RIPOR3: variants seen among roughly 807,000 people sequenced by gnomAD.
RIPOR3 encodes the protein family with sequence similarity 65 member C.
A neutral mutation model predicts 114.3 loss-of-function variants in RIPOR3; 95 were observed. The ratio of observed to expected loss-of-function variants is 0.83; its 90% CI spans 0.70 to 0.99. The LOEUF (loss-of-function observed/expected upper bound fraction) is 0.99. Ranked by LOEUF, RIPOR3 falls within the 50% of genes least tolerant of loss-of-function variation. RIPOR3 has a pLI of 0.00. For synonymous variants in RIPOR3, 575 were observed against 543.8 expected (o/e 1.06, Z -0.80); for missense variants, 1,252 against 1,266.9 (o/e 0.99, Z 0.18).
At chr20:50,648,093 T>C (rs1396742413) in intron 1 of RIPOR3, among the ~76,000 whole-genome samples, 14 of 151,686 alleles carry the variant, frequency 9.2e-5, no homozygotes, top group African/African-American at 3.4e-4. Flanking sequence ...CTCACCAACA[T>C]GGAGAAACCC....
chr20:50,641,370 G>C (rs927899850), intron 1 of RIPOR3, among the ~76,000 whole-genome samples: 4 of 152,004 alleles, frequency 2.6e-5, no homozygotes, highest in Non-Finnish European at 4.4e-5. Flanking sequence ...ATGTGCCACT[G>C]CACCCGGCTA....
intron 1 of RIPOR3, among the ~76,000 whole-genome samples, chr20:50,632,381 A>G (rs954949830): frequency 6.6e-6 from 1 of 152,168 alleles, no homozygotes; most frequent in Admixed American, 6.5e-5. Flanking sequence ...TGCAAGAGAC[A>G]TGTCGGAAGA....
At chr20:50,661,170 G>A (rs138437350) in intron 1 of RIPOR3, among the ~76,000 whole-genome samples, 102 of 152,042 alleles carry the variant, frequency 6.7e-4, no homozygotes, top group African/African-American at 2.2e-3. Flanking sequence ...CGCGGGAGGC[G>A]GAGGTTGCAG....
chr20:50,659,224 A>G (rs2085915152), intron 1 of RIPOR3, among the ~76,000 whole-genome samples: 1 of 152,264 alleles, frequency 6.6e-6, no homozygotes, highest in South Asian at 2.1e-4. Flanking sequence ...TTTCCACCTG[A>G]TGGTGGACAC....
intron 1 of RIPOR3, among the ~76,000 whole-genome samples, chr20:50,683,454 C>CT (rs11392130): frequency 0.8 from 116,090 of 145,608 alleles, 47,343 homozygotes; most frequent in East Asian, 0.95. Flanking sequence ...CTTACTTTTT[C>CT]TTTTTTTTTT....
intron 1 of RIPOR3, among the ~76,000 whole-genome samples, chr20:50,652,285 G>A (rs922834456): frequency 2.6e-5 from 4 of 152,086 alleles, no homozygotes; most frequent in Non-Finnish European, 5.9e-5. Flanking sequence ...AGGCCCCACC[G>A]ACTGTCACTC....
chr20:50,676,778 T>A (rs906977872), intron 1 of RIPOR3, among the ~76,000 whole-genome samples: 42 of 142,946 alleles, frequency 2.9e-4, no homozygotes, highest in Non-Finnish European at 5.4e-4. Flanking sequence ...ACTTTTTTTT[T>A]TTTTTTTTTT....
Position 50,601,704 on chromosome 20 carries a change from CAG to C in RIPOR3, c.1659+366_1659+367del, listed in dbSNP as rs1415416567. Among the ~76,000 whole-genome samples the C allele has an allele frequency of 5.3e-5, 8 of 152,236 alleles. No homozygotes were observed. In the South Asian group the frequency reaches 1.5e-3, roughly 28 times the overall value. On this transcript the variant is annotated intron_variant, in intron 13 of 21. Coordinates refer to ENST00000327979, the MANE Select transcript of RIPOR3 (RefSeq NM_001290268.2). ...GTGCGGGGTGCGTGGATGAGGCAAACAGGGAACTGTGTGGGGCCTTCCATGGA... is the reference window on the plus strand; with the variant it reads ...GTGCGGGGTGCGTGGATGAGGCAAACGGAACTGTGTGGGGCCTTCCATGGA...
intron 4 of RIPOR3, among the ~76,000 whole-genome samples, chr20:50,612,033 G>A (rs1477249951): frequency 1.1e-4 from 16 of 151,446 alleles, no homozygotes; most frequent in Non-Finnish European, 1.3e-4. Context: ...CTTGAGGCAG[G>A]AGAATCACTT....
intron 16 of RIPOR3, 92 bp downstream of exon 16, chr20:50,595,277 G>T: frequency 1.3e-6 from 2 of 1,505,066 alleles, no homozygotes; most frequent in Admixed American, 3.5e-5. Flanking sequence ...ATTAACTCTG[G>T]CTATTAGGAA....
In RIPOR3 at chr20:50,608,927, G is replaced by C; in HGVS notation, c.669C>G (p.Pro223=). 6.3e-7 allele frequency: 1 copy of C among 1,592,092 alleles called. No homozygotes were observed. Among genetic ancestry groups the C allele is most frequent in the Non-Finnish European group, 8.5e-7 (1 of 1,169,848 alleles). The change falls in exon 9 of 22, where the codon CCC becomes CCG. Residue 223 remains proline (P), a synonymous_variant. Coordinates refer to ENST00000327979, the MANE Select transcript of RIPOR3 (RefSeq NM_001290268.2). ...KGLVGYARLC[P]GDHYEVLMRL... is the part of the protein sequence containing the mutation. ...GTGGCCGTACCTCATAGTGGTCTCC[G>C]GGACAGAGGCGTGCGTAGCCCACCA... is the stretch of plus-strand genomic sequence containing the variant.
intron 19 of RIPOR3, among the ~76,000 whole-genome samples, chr20:50,590,815 CT>C (rs11476746): frequency 0.48 from 62,603 of 131,346 alleles, 13,176 homozygotes; most frequent in Middle Eastern, 0.65. Context: ...GATGAAGGCC[CT>C]TTTTTTTTTT....
chr20:50,666,850 G>A lies in RIPOR3; in HGVS notation c.3+24276C>T, dbSNP rs185496257. On this transcript the variant is annotated intron_variant, in intron 1 of 21. Coordinates refer to ENST00000327979, the MANE Select transcript of RIPOR3 (RefSeq NM_001290268.2). ...GCTGGGATTACAGGCGTGAGTCACC[G>A]CGACCAGCCTAGGACACCTATTTCT... Among the ~76,000 whole-genome samples, 296 of 151,772 alleles carry A rather than the reference G, an allele frequency of 2.0e-3. 3 individuals are homozygous for A. The highest frequency in any genetic ancestry group is 6.0e-4 in the Non-Finnish European group (41 of 67,902).
intron 1 of RIPOR3, among the ~76,000 whole-genome samples, chr20:50,640,397 G>A (rs2085145657): frequency 1.3e-5 from 2 of 149,702 alleles, no homozygotes; most frequent in Admixed American, 1.3e-4. Context: ...CTGTGGCACG[G>A]CTGCAAGGGA....
intron 1 of RIPOR3, among the ~76,000 whole-genome samples, chr20:50,679,318 G>A (rs2086785814): frequency 6.6e-6 from 1 of 150,588 alleles, no homozygotes; most frequent in African/African-American, 2.4e-5. Context: ...ACCAAGAAGT[G>A]AAGTTTCTTG....
intron 1 of RIPOR3, among the ~76,000 whole-genome samples, chr20:50,684,584 A>G (rs755330145): frequency 6.6e-6 from 1 of 152,012 alleles, no homozygotes; most frequent in Non-Finnish European, 1.5e-5. Context: ...TTTTAACAGG[A>G]CCCTGCTGGC....
intron 4 of RIPOR3, among the ~76,000 whole-genome samples, chr20:50,615,538 A>C (rs1486587377): frequency 6.6e-6 from 1 of 151,428 alleles, no homozygotes; most frequent in Admixed American, 6.6e-5. Flanking sequence ...AAAAAAAAAA[A>C]AAAAAAAAGA....
At chr20:50,654,796 T>C (rs939319609) in intron 1 of RIPOR3, among the ~76,000 whole-genome samples, 5 of 152,286 alleles carry the variant, frequency 3.3e-5, no homozygotes, top group African/African-American at 1.2e-4. Flanking sequence ...CCTAGGCTGG[T>C]GTACAGTGGT....
chr20:50,650,308 GA>G (rs1315060467), intron 1 of RIPOR3, among the ~76,000 whole-genome samples: 3 of 151,906 alleles, frequency 2.0e-5, no homozygotes, highest in Admixed American at 6.6e-5. Flanking sequence ...TTCAACATAG[GA>G]ATTTTTTTTT....
Sources: gnomAD v4.1 joint callset for allele counts (sites outside exome capture counted in the v4.1 genomes callset) on GRCh38, gnomAD v4.1.1 for gene constraint, MANE v1.5 for transcripts, NCBI Gene and HGNC (gene_info 2026-07-23, HGNC 2026-07-21) for gene names.